The following CAMKMT variants were observed in gnomAD, a reference collection of about 807,000 sequenced individuals.
CAMKMT encodes the protein calmodulin-lysine N-methyltransferase.
Under a neutral mutation model 48.0 loss-of-function variants are expected in CAMKMT, and 53 were observed. The ratio of observed to expected loss-of-function variants is 1.10; its 90% confidence interval spans 0.89 to 1.39. The LOEUF (loss-of-function observed/expected upper bound fraction) is 1.39, where lower values mean the gene tolerates loss of function less well. Among genes scored for constraint, CAMKMT ranks in the 40% most tolerant of loss-of-function variants. The pLI is 0.00. For missense variants in CAMKMT, 428 were observed against 402.7 expected, an observed-to-expected ratio of 1.06 and a Z score of -0.54; for synonymous variants, 165 against 152.3, an observed-to-expected ratio of 1.08 and a Z score of -0.61.
At chr2:44,654,190 C>G (rs1296466164) in intron 3 of CAMKMT, among the ~76,000 whole-genome samples, 1 of 152,080 alleles carries the variant, frequency 6.6e-6, no homozygotes, top group African/African-American at 2.4e-5. Context: ...CAAGGTAAAT[C>G]TCAAACATCA....
At chr2:44,718,750 A>G (rs1009024367) in intron 7 of CAMKMT, among the ~76,000 whole-genome samples, 1 of 152,226 alleles carries the variant, frequency 6.6e-6, no homozygotes, top group African/African-American at 2.4e-5. Flanking sequence ...GTGATGATGT[A>G]AGTAAGTTTC....
intron 3 of CAMKMT, among the ~76,000 whole-genome samples, chr2:44,505,248 A>G (rs1384197669): frequency 6.6e-6 from 1 of 152,102 alleles, no homozygotes; most frequent in Non-Finnish European, 1.5e-5. Flanking sequence ...TTTTTTTTTA[A>G]TAATTGAGTT....
rs532450177 is a variant in CAMKMT, at chr2:44,657,809, G to T, written c.377-46474G>T. Reference sequence around the variant, plus strand: ...TCAAACATTTCTGCTAACCAAAGAAGGAAAATGAGATTGTACCCCTTTAGA... The same window carrying T: ...TCAAACATTTCTGCTAACCAAAGAATGAAAATGAGATTGTACCCCTTTAGA... On this transcript the variant is annotated intron_variant, in intron 3 of 10. Transcript: ENST00000378494. The surrounding 1 kb of genome is among the most constrained non-coding windows in gnomAD (Gnocchi z 4.3). Among the ~76,000 whole-genome samples the T allele has an allele frequency of 2.0e-5, 3 of 152,224 alleles. No homozygotes were observed. The South Asian group carries it at 6.2e-4, about 32-fold the overall frequency.
chr2:44,754,209 A>G, intron 9 of CAMKMT, 91 bp downstream of exon 9: 1 of 955,738 alleles, frequency 1.0e-6, no homozygotes, highest in Non-Finnish European at 1.7e-6. Context: ...GGCAGGATTA[A>G]TGTCATGTAA....
intron 3 of CAMKMT, among the ~76,000 whole-genome samples, chr2:44,533,308 G>A (rs184036404): frequency 6.1e-5 from 9 of 146,894 alleles, no homozygotes. Flanking sequence ...GTGTGATCTT[G>A]GCTCACTGCA....
chr2:44,471,464 G>A (rs1046632210), intron 3 of CAMKMT, among the ~76,000 whole-genome samples: 2 of 151,980 alleles, frequency 1.3e-5, no homozygotes, highest in Non-Finnish European at 2.9e-5. Flanking sequence ...GCTGGTGGTG[G>A]TGGTGGGTGC....
intron 10 of CAMKMT, among the ~76,000 whole-genome samples, chr2:44,770,974 C>A (rs964885034): frequency 6.6e-6 from 1 of 152,160 alleles, no homozygotes; most frequent in Non-Finnish European, 1.5e-5. Context: ...TGTTCCCCAG[C>A]GGAAAAGGGG....
At chr2:44,719,812 T>G (rs189294654) in intron 7 of CAMKMT, among the ~76,000 whole-genome samples, 1 of 152,284 alleles carries the variant, frequency 6.6e-6, no homozygotes, top group East Asian at 1.9e-4. Context: ...ATTTATCTGT[T>G]CTTTGTCAGG....
chr2:44,672,120 T>C (rs771404743), intron 3 of CAMKMT, among the ~76,000 whole-genome samples: 19 of 152,204 alleles, frequency 1.2e-4, no homozygotes, highest in Non-Finnish European at 2.2e-4. Flanking sequence ...TAGTCTTGCT[T>C]CTTAATGAGT....
intron 3 of CAMKMT, among the ~76,000 whole-genome samples, chr2:44,689,505 A>G (rs1014984144): frequency 1.1e-4 from 16 of 152,208 alleles, no homozygotes; most frequent in Admixed American, 9.2e-4. Flanking sequence ...AGGACACTCA[A>G]GCACAGCAGG....
chr2:44,439,273 C>A (rs1452077812), intron 3 of CAMKMT, among the ~76,000 whole-genome samples: 2 of 152,126 alleles, frequency 1.3e-5, no homozygotes. Context: ...CCTTCTCTTA[C>A]CACCCCAATG....
Position 44,429,849 on chromosome 2 carries a change from A to G in CAMKMT, c.376+39544A>G, listed in dbSNP as rs187190688. On this transcript the variant is annotated intron_variant, in intron 3 of 10. Transcript: ENST00000378494. Reference sequence around the variant, plus strand: ...AAAAAAAGACAAAAGAATAAAACCTATCAGAGTCAGGTGCTAATTTACCCA... The same window carrying G: ...AAAAAAAGACAAAAGAATAAAACCTGTCAGAGTCAGGTGCTAATTTACCCA... Among the ~76,000 whole-genome samples, 5 of 150,764 alleles carry G rather than the reference A, an allele frequency of 3.3e-5. No homozygotes were observed. The South Asian group carries it at 6.3e-4, about 19-fold the overall frequency.
intron 9 of CAMKMT, among the ~76,000 whole-genome samples, chr2:44,759,716 C>G (rs963761916): frequency 7.2e-5 from 11 of 152,154 alleles, no homozygotes; most frequent in African/African-American, 2.7e-4. Flanking sequence ...TTTTAAGACC[C>G]TCAGTGCAGG....
Position 44,706,331 on chromosome 2 carries a change from C to G in CAMKMT, c.482C>G (p.Ala161Gly). ...CTAGGGGGTGGCATGACATGCTTGGCTGGGCTCATGGTAGGTCTTTTCTCC... is the reference window on the plus strand; with the variant it reads ...CTAGGGGGTGGCATGACATGCTTGGGTGGGCTCATGGTAGGTCTTTTCTCC... ...CELGGGMTCL[A>G]GLMVAISADV... The change falls in exon 5 of 11, where the codon GCT becomes GGT. Residue 161 changes from alanine to glycine, a missense_variant. Transcript: ENST00000378494. The G allele has an allele frequency of 6.2e-7, 1 of 1,613,356 alleles. No individual in the cohort carries two copies. The highest frequency in any genetic ancestry group is 8.5e-7 in the Non-Finnish European group (1 of 1,179,518).
chr2:44,549,160 G>A (rs935635398), intron 3 of CAMKMT, among the ~76,000 whole-genome samples: 4 of 151,818 alleles, frequency 2.6e-5, no homozygotes, highest in Non-Finnish European at 5.9e-5. Flanking sequence ...CTTTCTGTTG[G>A]AGAAAAATGT....
At chr2:44,753,460 A>G (rs554546273) in intron 8 of CAMKMT, among the ~76,000 whole-genome samples, 2 of 151,920 alleles carry the variant, frequency 1.3e-5, no homozygotes, top group Non-Finnish European at 2.9e-5. Context: ...CAAAAAATCA[A>G]TGTAGAGGCC....
At chr2:44,593,472 C>G (rs1420681569) in intron 3 of CAMKMT, among the ~76,000 whole-genome samples, 1 of 152,226 alleles carries the variant, frequency 6.6e-6, no homozygotes, top group Admixed American at 6.5e-5. Context: ...TTTTTCCAGA[C>G]TTTCAACTCT....
At chr2:44,498,916 G>T (rs773298269) in intron 3 of CAMKMT, among the ~76,000 whole-genome samples, 2 of 152,142 alleles carry the variant, frequency 1.3e-5, no homozygotes, top group Admixed American at 6.5e-5. Context: ...GGTAATGGCG[G>T]GGGTTGGGGG....
chr2:44,489,495 C>T (rs1019229500), intron 3 of CAMKMT, among the ~76,000 whole-genome samples: 1 of 152,148 alleles, frequency 6.6e-6, no homozygotes, highest in African/African-American at 2.4e-5. Flanking sequence ...ATCCACCTGC[C>T]TTGGCCTCCC....
Sources: gnomAD v4.1 joint callset for allele counts (sites outside exome capture counted in the v4.1 genomes callset) on GRCh38, gnomAD v4.1.1 for gene constraint, Gnocchi (gnomAD v3.1) non-coding constraint, MANE v1.5 for transcripts, NCBI Gene and HGNC (gene_info 2026-07-23, HGNC 2026-07-21) for gene names.